CAPN11: variants seen among roughly 807,000 people sequenced by gnomAD.
CAPN11 encodes calpain 11.
A neutral mutation model predicts 105.3 loss-of-function variants in CAPN11; 108 were observed. The ratio of observed to expected loss-of-function variants is 1.03; its 90% CI spans 0.88 to 1.20. CAPN11 has a LOEUF of 1.20. Ranked by LOEUF, CAPN11 falls within the 50% of genes most tolerant of loss-of-function variation. The pLI, the probability that CAPN11 is intolerant of heterozygous loss-of-function variation, is 0.00. For synonymous variants in CAPN11, 329 were observed against 344.5 expected, an observed-to-expected ratio of 0.96 and a Z score of 0.50; for missense variants, 883 against 924.8, an observed-to-expected ratio of 0.95 and a Z score of 0.59.
At chr6:44,177,043 A>G (rs1397612083) in intron 11 of CAPN11, 45 bp downstream of exon 11, 2 of 1,592,676 alleles carry the variant, frequency 1.3e-6, no homozygotes, top group Non-Finnish European at 1.7e-6. Flanking sequence ...GGAGTGAAGG[A>G]TGGGCCACGG....
chr6:44,182,929 C>G lies in CAPN11; in HGVS notation c.1939-12C>G. On this transcript the variant is annotated splice_polypyrimidine_tract_variant and intron_variant, in intron 19 of 22. Transcript: ENST00000398776. ...ATGCATGTGGCCCTACCATATCTGT[C>G]TGTCTCTTCAGGACATCTTCAGAGA... The G allele has an allele frequency of 6.3e-7, 1 of 1,594,654 alleles. No homozygotes were observed. The highest frequency in any genetic ancestry group is 1.1e-5 in the South Asian group (1 of 89,144).
chr6:44,166,836 C>T lies in CAPN11; in HGVS notation c.88+7C>T, dbSNP rs778240948. On this transcript the variant is annotated splice_region_variant and intron_variant, in intron 2 of 22. Transcript: ENST00000398776. Reference sequence around the variant, plus strand: ...CCTCGGGGCTCATGTGCGGGTAGGACTGCAGACCCGTCGTGGCTCTGTGGC... The same window carrying T: ...CCTCGGGGCTCATGTGCGGGTAGGATTGCAGACCCGTCGTGGCTCTGTGGC... 22 of 1,542,522 alleles carry T rather than the reference C, an allele frequency of 1.4e-5. No homozygotes were observed. The South Asian group carries it at 2.6e-4, about 18-fold the overall frequency.
At chr6:44,181,507 C>CACACAT (rs1773300118) in intron 19 of CAPN11, among the ~76,000 whole-genome samples, 187 bp downstream of exon 19, 9 of 139,080 alleles carry the variant, frequency 6.5e-5, no homozygotes, top group Non-Finnish European at 1.3e-4. Flanking sequence ...CACACACACA[C>CACACAT]ACTCACATAC....
intron 4 of CAPN11, among the ~76,000 whole-genome samples, 177 bp from the exon 5 acceptor site, chr6:44,172,123 CCT>C (rs1161504096): frequency 6.6e-6 from 1 of 152,150 alleles, no homozygotes; most frequent in East Asian, 1.9e-4. Flanking sequence ...TCAGTTTCTC[CCT>C]GTTTACCTCC....
intron 13 of CAPN11, 102 bp downstream of exon 13, chr6:44,179,732 G>T: frequency 8.0e-7 from 1 of 1,246,404 alleles, no homozygotes; most frequent in South Asian, 1.2e-5. Context: ...AGAGGCTCTG[G>T]GGGTCACTGG....
Position 44,179,641 on chromosome 6 carries a change from T to C in CAPN11, c.1428+11T>C. On this transcript the variant is annotated intron_variant, in intron 13 of 22. Transcript: ENST00000398776. Reference sequence around the variant, plus strand: ...CAGGTCCCAAAAGAGGTACAGAAGATAAAGATGTGGGGCTTGTTCCTGGAC... The same window carrying C: ...CAGGTCCCAAAAGAGGTACAGAAGACAAAGATGTGGGGCTTGTTCCTGGAC... 1 of 1,612,666 alleles carries C rather than the reference T, an allele frequency of 6.2e-7. No individual in the cohort carries two copies. The highest frequency in any genetic ancestry group is 8.5e-7 in the Non-Finnish European group (1 of 1,178,766).
chr6:44,173,957 CTA>C (rs567036572), intron 7 of CAPN11, among the ~76,000 whole-genome samples: 55 of 152,134 alleles, frequency 3.6e-4, no homozygotes, highest in Non-Finnish European at 7.3e-4. Flanking sequence ...TCTTGCTTAT[CTA>C]TGTTTTCACT....
At chr6:44,174,578 C>T (rs1315304077) in intron 7 of CAPN11, among the ~76,000 whole-genome samples, 2 of 149,786 alleles carry the variant, frequency 1.3e-5, no homozygotes, top group East Asian at 1.9e-4. Context: ...AGACAATCCC[C>T]TCCAAAGGTG....
intron 7 of CAPN11, among the ~76,000 whole-genome samples, chr6:44,173,725 G>C (rs1272728745): frequency 1.3e-5 from 2 of 151,948 alleles, no homozygotes; most frequent in Non-Finnish European, 2.9e-5. Context: ...TGGGATTACA[G>C]CCGTGTGCCA....
rs1429418925 is a variant in CAPN11 at position 44,169,863 on chromosome 6, G to C, written c.340-43G>C. On this transcript the variant is annotated intron_variant, in intron 3 of 22. Transcript: ENST00000398776. ...GCAAAAGTGGGAGAAAGGTGGGGAGGGGGTGTCCTGGGCCCCCTGAAACCT... is the reference window on the plus strand; with the variant it reads ...GCAAAAGTGGGAGAAAGGTGGGGAGCGGGTGTCCTGGGCCCCCTGAAACCT... 2.1e-6 allele frequency: 3 copies of C among 1,431,162 alleles called. No individual in the cohort carries two copies. In the South Asian group the frequency reaches 3.6e-5, roughly 17 times the overall value. The allele number at this position is 1,431,162 out of a possible 1,614,324, so 88.7% of individuals were successfully genotyped here.
intron 1 of CAPN11, among the ~76,000 whole-genome samples, chr6:44,161,552 T>A (rs1402674955): frequency 6.6e-6 from 1 of 152,152 alleles, no homozygotes; most frequent in Admixed American, 6.5e-5. Context: ...TGTCAGTCCT[T>A]CCTGCAAGTC....
intron 2 of CAPN11, 107 bp downstream of exon 2, chr6:44,166,936 T>TGGGG: frequency 2.2e-6 from 1 of 462,774 alleles, no homozygotes; most frequent in Non-Finnish European, 4.1e-6. Context: ...AGTCATGTTG[T>TGGGG]GTGGGGAGGG....
rs373244223 is a variant in CAPN11 at position 44,169,451 on chromosome 6, G to A, written c.259G>A (p.Ala87Thr). ...GELFEDPLFP[A>T]EPSSLGFKDL... ...GCTCTTCGAGGACCCCTTATTCCCT[G>A]CTGAACCCAGCTCACTGGGCTTCAA... The change falls in exon 3 of 23, where the codon GCT becomes ACT. Residue 87 changes from alanine to threonine, a missense_variant. By Grantham distance (58) the Ala-to-Thr change is moderately conservative. Coordinates refer to ENST00000398776, the MANE Select transcript of CAPN11 (RefSeq NM_007058.4). 14 of 1,612,008 alleles carry A rather than the reference G, an allele frequency of 8.7e-6. No homozygotes were observed. Among genetic ancestry groups the A allele is most frequent in the African/African-American group, 5.3e-5 (4 of 74,888 alleles).
chr6:44,183,767 C>A lies in CAPN11; in HGVS notation c.2193+4C>A. On this transcript the variant is annotated splice_donor_region_variant and intron_variant, in intron 22 of 22. Transcript: ENST00000398776. ...TATTTGCTTGAGCCTGGAACAGGTA[C>A]TTGGAGAAGGGTGGGAAGGAATCTG... 1 of 1,613,544 alleles carries A rather than the reference C, an allele frequency of 6.2e-7. No homozygotes were observed. The highest frequency in any genetic ancestry group is 8.5e-7 in the Non-Finnish European group (1 of 1,179,626).
Position 44,180,477 on chromosome 6 carries a change from A to C in CAPN11, c.1658A>C (p.Asn553Thr). The C allele has an allele frequency of 6.2e-7, 1 of 1,613,838 alleles. No homozygotes were observed. Among genetic ancestry groups the C allele is most frequent in the Non-Finnish European group, 8.5e-7 (1 of 1,179,856 alleles). Residue 553 changes from asparagine (N) to threonine (T), a missense_variant, in exon 15 of 23, where the codon AAC becomes ACC. Coordinates refer to ENST00000398776, the MANE Select transcript of CAPN11 (RefSeq NM_007058.4). ...TTGCCCAGGGAATTGGATGAAGTCA[A>C]CTATGCTGAGCAACTCCAAGAGGTG... ...HSESWELDEV[N>T]YAEQLQEEKV...
At chr6:44,181,803 T>A (rs867505967) in intron 19 of CAPN11, among the ~76,000 whole-genome samples, 12 of 13,998 alleles carry the variant, frequency 8.6e-4, no homozygotes, top group Admixed American at 1.8e-3. Flanking sequence ...ACATACACAC[T>A]CACATACAGA....
intron 19 of CAPN11, among the ~76,000 whole-genome samples, chr6:44,182,535 G>A (rs796928097): frequency 6.6e-6 from 1 of 152,238 alleles, no homozygotes; most frequent in East Asian, 1.9e-4. Flanking sequence ...GAGTGGGCCA[G>A]GGTTGGAGGG....
chr6:44,180,315 C>G, intron 14 of CAPN11, 145 bp from the exon 15 acceptor site: 1 of 908,304 alleles, frequency 1.1e-6, no homozygotes. Flanking sequence ...CAGTTAGTGG[C>G]AGAACCAGAA....
intron 4 of CAPN11, among the ~76,000 whole-genome samples, chr6:44,171,461 T>C (rs1770987721): frequency 6.6e-6 from 1 of 152,130 alleles, no homozygotes; most frequent in Non-Finnish European, 1.5e-5. Context: ...GCCACACCAG[T>C]GTACTCACAG....
Sources: gnomAD v4.1 joint callset for allele counts (sites outside exome capture counted in the v4.1 genomes callset) on GRCh38, gnomAD v4.1.1 for gene constraint, MANE v1.5 for transcripts, NCBI Gene and HGNC (gene_info 2026-07-23, HGNC 2026-07-21) for gene names.